Variants in CASR observed in about 807,000 individuals in gnomAD.
The protein encoded by CASR is extracellular calcium-sensing receptor.
A neutral mutation model predicts 69.1 loss-of-function variants in CASR; 23 were observed. That is an observed-to-expected ratio of 0.33 (90% CI 0.24 to 0.47). The LOEUF (loss-of-function observed/expected upper bound fraction) is 0.47, where lower values mean the gene tolerates loss of function less well. Among genes scored for constraint, CASR ranks in the 20% least tolerant of loss-of-function variants. The probability of loss-of-function intolerance (pLI) is 1.00; values close to 1 mark genes in which losing one functional copy is unlikely to be tolerated. For synonymous variants in CASR, 541 were observed against 544.7 expected, an observed-to-expected ratio of 0.99 and a Z score of 0.10; for missense variants, 924 against 1,356.1, an observed-to-expected ratio of 0.68 and a Z score of 5.00.
rs200168711 is a variant in CASR at position 122,254,076 on chromosome 3, A to C, written c.-114A>C. ...CACGTCTTCTATTATTTTATTAATC[A>C]ATCTGTAGACATGTGTCCCCACTGC... is the stretch of plus-strand genomic sequence containing the variant. On this transcript the variant is annotated 5_prime_UTR_variant, in exon 2 of 7. Transcript: ENST00000639785. 2.2e-6 allele frequency: 2 copies of C among 900,082 alleles called. No individual in the cohort carries two copies. The highest frequency in any genetic ancestry group is 3.7e-6 in the Non-Finnish European group (2 of 537,664). 55.8% of individuals were successfully genotyped at this position (900,082 alleles called of 1,614,324 possible). A position where few individuals can be genotyped will look rare whatever the true frequency, so the allele number is the denominator to read the frequency against.
At chr3:122,201,306 C>T (rs2073948542) in intron 1 of CASR, among the ~76,000 whole-genome samples, 1 of 152,208 alleles carries the variant, frequency 6.6e-6, no homozygotes, top group Non-Finnish European at 1.5e-5. Context: ...TCAGAGAGCA[C>T]AGGGTTGGGG....
At chr3:122,255,493 A>G (rs2074545125) in intron 2 of CASR, among the ~76,000 whole-genome samples, 1 of 152,244 alleles carries the variant, frequency 6.6e-6, no homozygotes, top group South Asian at 2.1e-4. Context: ...TAAGTGCAGA[A>G]TCGCACTGAT....
intron 6 of CASR, 101 bp downstream of exon 6, chr3:122,282,337 A>G (rs190262119): frequency 4.8e-4 from 554 of 1,165,326 alleles, no homozygotes; most frequent in Non-Finnish European, 6.5e-4. Flanking sequence ...GGTGCTTTGC[A>G]CAGTTTCTCA....
At chr3:122,196,973 A>G (rs1030580692) in intron 1 of CASR, among the ~76,000 whole-genome samples, 2 of 152,210 alleles carry the variant, frequency 1.3e-5, no homozygotes, top group Non-Finnish European at 2.9e-5. Context: ...TGGTCACAAC[A>G]TTAAAGATCT....
Position 122,196,519 on chromosome 3 carries a change from TTTTG to T in CASR, c.-243+12723_-243+12726del, listed in dbSNP as rs548881532. Among the ~76,000 whole-genome samples, 472 of 152,032 alleles carry T rather than the reference TTTTG, an allele frequency of 3.1e-3. 1 individual carries two copies. Among genetic ancestry groups the T allele is most frequent in the African/African-American group, 9.4e-3 (388 of 41,478 alleles). ...CTTTTTGGTTTTGGTTTTTGGGGTT[TTTTG>T]TTTGTTTGTTTGTTTTGTTTTGTTT... On this transcript the variant is annotated intron_variant, in intron 1 of 6. Coordinates refer to ENST00000639785, the MANE Select transcript of CASR (RefSeq NM_000388.4).
At position 122,289,678 on chromosome 3, in the gene CASR, C is replaced by G. The variant is rs2074995741; in HGVS notation, c.*4487C>G. 1 of 152,322 alleles carries G rather than the reference C, an allele frequency of 6.6e-6. No individual in the cohort carries two copies. Among genetic ancestry groups the G allele is most frequent in the African/African-American group, 2.4e-5 (1 of 41,450 alleles). 9.4% of individuals were successfully genotyped at this position (152,322 alleles called of 1,614,324 possible). A position where few individuals can be genotyped will look rare whatever the true frequency, so the allele number is the denominator to read the frequency against. Reference sequence around the variant, plus strand: ...CTAGCACCGAGTGGGGCTAGGGGAACCTTCTCCTCTGTTGGGAATAACCAC... The same window carrying G: ...CTAGCACCGAGTGGGGCTAGGGGAAGCTTCTCCTCTGTTGGGAATAACCAC... On this transcript the variant is annotated 3_prime_UTR_variant, in exon 7 of 7. Transcript: ENST00000639785.
intron 1 of CASR, among the ~76,000 whole-genome samples, chr3:122,252,779 GT>G (rs2074512141): frequency 6.6e-6 from 1 of 152,184 alleles, no homozygotes; most frequent in African/African-American, 2.4e-5. Context: ...GGAGAAACAA[GT>G]CCAGTAGGGA....
intron 1 of CASR, among the ~76,000 whole-genome samples, chr3:122,221,817 A>G (rs2074174868): frequency 6.6e-6 from 1 of 152,214 alleles, no homozygotes; most frequent in Non-Finnish European, 1.5e-5. Context: ...GAGTAGCGAT[A>G]GTATCTGTGG....
At chr3:122,244,672 G>T (rs2074409854) in intron 1 of CASR, among the ~76,000 whole-genome samples, 1 of 152,078 alleles carries the variant, frequency 6.6e-6, no homozygotes, top group Admixed American at 6.5e-5. Context: ...TGATTTGGAT[G>T]CTGGTTACAT....
In CASR at chr3:122,199,993, C is replaced by T. The variant is rs541247730; in HGVS notation, c.-243+16181C>T. On this transcript the variant is annotated intron_variant, in intron 1 of 6. Coordinates refer to ENST00000639785, the MANE Select transcript of CASR (RefSeq NM_000388.4). ...TGCAATCTTGGCTCACCACAACCTC[C>T]GCCTCCCCAGTTCAAGCGATTCTCC... is the stretch of plus-strand genomic sequence containing the variant. Among the ~76,000 whole-genome samples the T allele has an allele frequency of 4.6e-5, 7 of 152,298 alleles. No homozygotes were observed. The South Asian group carries it at 6.2e-4, about 14-fold the overall frequency.
At chr3:122,252,857 AGTCCAGTGCTTGGCC>A (rs1179428334) in intron 1 of CASR, among the ~76,000 whole-genome samples, 7 of 152,228 alleles carry the variant, frequency 4.6e-5, no homozygotes, top group African/African-American at 1.7e-4. Context: ...TCCAGTTGGC[AGTCCAGTGCTTGGCC>A]CTGAGCCTCA....
chr3:122,275,536 G>T (rs1559964900), intron 4 of CASR, among the ~76,000 whole-genome samples: 1 of 152,208 alleles, frequency 6.6e-6, no homozygotes, highest in African/African-American at 2.4e-5. Context: ...CCAGTTGCCA[G>T]GTGAGATGTC....
intron 1 of CASR, among the ~76,000 whole-genome samples, chr3:122,195,957 A>G (rs1326260024): frequency 6.6e-6 from 1 of 152,210 alleles, no homozygotes; most frequent in Non-Finnish European, 1.5e-5. Flanking sequence ...CTTTAATCTA[A>G]CAATTCCCAT....
intron 1 of CASR, among the ~76,000 whole-genome samples, chr3:122,235,787 C>G (rs1028447954): frequency 2.6e-5 from 4 of 152,072 alleles, no homozygotes; most frequent in African/African-American, 9.7e-5. Context: ...ATAGTGAGAC[C>G]ATGTCTCTAA....
intron 3 of CASR, among the ~76,000 whole-genome samples, chr3:122,260,909 C>T (rs917665998): frequency 1.8e-4 from 27 of 151,254 alleles, no homozygotes; most frequent in East Asian, 1.2e-3. Flanking sequence ...TACTGGGGTG[C>T]GGGGAGGAGA....
intron 5 of CASR, 102 bp from the exon 6 acceptor site, chr3:122,282,011 T>G (rs563806193): frequency 1.3e-4 from 205 of 1,558,882 alleles, no homozygotes; most frequent in Non-Finnish European, 1.7e-4. Context: ...ACACTGATTC[T>G]TGTGCCCAAA....
chr3:122,201,739 C>T (rs1307678910), intron 1 of CASR, among the ~76,000 whole-genome samples: 20 of 151,766 alleles, frequency 1.3e-4, no homozygotes, highest in Admixed American at 4.6e-4. Flanking sequence ...ACTTCCCAGA[C>T]GGGGTGGCTG....
chr3:122,228,906 C>A (rs570524832), intron 1 of CASR, among the ~76,000 whole-genome samples: 1 of 152,320 alleles, frequency 6.6e-6, no homozygotes, highest in East Asian at 1.9e-4. Context: ...CCTGTCCACA[C>A]CTACCATCTC....
chr3:122,266,868 G>A (rs1021010288), intron 4 of CASR, among the ~76,000 whole-genome samples: 2 of 152,130 alleles, frequency 1.3e-5, no homozygotes, highest in Non-Finnish European at 2.9e-5. Flanking sequence ...GCCGGGTGTG[G>A]TGGCAGGCAC....
Sources: allele counts gnomAD v4.1 joint callset (sites outside exome capture counted in the v4.1 genomes callset), GRCh38; gene constraint gnomAD v4.1.1; transcripts MANE v1.5; gene names NCBI Gene and HGNC (gene_info 2026-07-23, HGNC 2026-07-21).